Variants in HDAC9 observed in about 807,000 individuals in gnomAD.
HDAC9 encodes the protein histone deacetylase 9, also known as MEF-2 interacting transcription repressor (MITR) protein.
HDAC9 carries 41 observed loss-of-function variants against 139.4 expected under a neutral mutation model. The observed-to-expected ratio is 0.29, with a 90% CI of 0.23 to 0.38. HDAC9 has a LOEUF of 0.38. Ranked by LOEUF, HDAC9 falls within the 10% of genes least tolerant of loss-of-function variation. The pLI, the probability that HDAC9 is intolerant of heterozygous loss-of-function variation, is 1.00. For missense variants in HDAC9, 1,147 were observed against 1,297.0 expected, an observed-to-expected ratio of 0.88 and a Z score of 1.78; for synonymous variants, 517 against 476.2, an observed-to-expected ratio of 1.09 and a Z score of -1.12.
chr7:18,555,040 T>C (rs763553539), intron 2 of HDAC9, among the ~76,000 whole-genome samples: 17 of 152,228 alleles, frequency 1.1e-4, no homozygotes, highest in Non-Finnish European at 2.4e-4. Flanking sequence ...TGTGTAGTTG[T>C]ATAGTTGATG....
intron 22 of HDAC9, among the ~76,000 whole-genome samples, chr7:18,927,350 A>C (rs1015660924): frequency 2.0e-5 from 3 of 152,118 alleles, no homozygotes; most frequent in Non-Finnish European, 4.4e-5. Context: ...TTCTGCTTTG[A>C]AGTCCTGCTG....
intron 1 of HDAC9, among the ~76,000 whole-genome samples, chr7:18,305,880 C>T (rs1455572803): frequency 6.6e-6 from 1 of 151,956 alleles, no homozygotes; most frequent in Non-Finnish European, 1.5e-5. Flanking sequence ...AAGTACTTCC[C>T]AGGTTTTGAG....
At chr7:18,911,916 A>G (rs547506120) in intron 22 of HDAC9, among the ~76,000 whole-genome samples, 1 of 152,150 alleles carries the variant, frequency 6.6e-6, no homozygotes, top group Admixed American at 6.6e-5. Context: ...GTAGCCTACT[A>G]TATGATCTAT....
intron 1 of HDAC9, among the ~76,000 whole-genome samples, chr7:18,376,584 C>T (rs546401476): frequency 5.9e-5 from 9 of 152,266 alleles, no homozygotes; most frequent in African/African-American, 1.7e-4. Flanking sequence ...ATAATTCTTA[C>T]ACCATATTGA....
intron 1 of HDAC9, among the ~76,000 whole-genome samples, chr7:18,402,626 A>G (rs933224782): frequency 2.0e-5 from 3 of 152,188 alleles, no homozygotes; most frequent in African/African-American, 7.2e-5. Flanking sequence ...GTTTCAGGCA[A>G]GTGAGAGGCA....
chr7:18,406,372 T>TTTTTTC (rs759792635), intron 1 of HDAC9, among the ~76,000 whole-genome samples: 1 of 151,924 alleles, frequency 6.6e-6, no homozygotes, highest in Non-Finnish European at 1.5e-5. Context: ...ATATTTCCCT[T>TTTTTTC]TTTTTCTTTT....
At chr7:18,761,982 C>T (rs529201824) in intron 14 of HDAC9, among the ~76,000 whole-genome samples, 175 bp from the exon 15 acceptor site, 29 of 152,244 alleles carry the variant, frequency 1.9e-4, no homozygotes, top group African/African-American at 4.8e-4. Flanking sequence ...GGATCTGAAC[C>T]TTCCATACAC....
intron 1 of HDAC9, among the ~76,000 whole-genome samples, chr7:18,136,509 G>T (rs1416202860): frequency 6.6e-6 from 1 of 152,176 alleles, no homozygotes; most frequent in Non-Finnish European, 1.5e-5. Context: ...TCCAGTTTCA[G>T]CTTTCTACAT....
At chr7:18,548,077 C>A (rs970068754) in intron 2 of HDAC9, among the ~76,000 whole-genome samples, 3 of 152,060 alleles carry the variant, frequency 2.0e-5, no homozygotes, top group Non-Finnish European at 4.4e-5. Flanking sequence ...TTCACTTGAA[C>A]ACTTAGAGGC....
chr7:18,463,553 C>T (rs113187915), intron 1 of HDAC9, among the ~76,000 whole-genome samples: 2 of 151,438 alleles, frequency 1.3e-5, no homozygotes, highest in African/African-American at 2.4e-5. Flanking sequence ...TTTAATATTC[C>T]TGCATTATTT....
At chr7:18,530,967 A>G (rs905419292) in intron 2 of HDAC9, among the ~76,000 whole-genome samples, 1 of 151,916 alleles carries the variant, frequency 6.6e-6, no homozygotes, top group Non-Finnish European at 1.5e-5. Context: ...TCAGTACTCC[A>G]GCCCTGCCTC....
At chr7:18,273,242 CTT>C (rs999689532) in intron 2 of HDAC9, among the ~76,000 whole-genome samples, 61 of 151,542 alleles carry the variant, frequency 4.0e-4, no homozygotes, top group African/African-American at 1.3e-3. Flanking sequence ...AATTGTTAAA[CTT>C]TTTTTGTAGA....
At chr7:18,854,509 T>A (rs188382396) in intron 21 of HDAC9, among the ~76,000 whole-genome samples, 1 of 152,234 alleles carries the variant, frequency 6.6e-6, no homozygotes, top group East Asian at 1.9e-4. Flanking sequence ...AAAATAAGTT[T>A]ATGGTAATTC....
intron 23 of HDAC9, chr7:18,948,801 A>G (rs1424784871): frequency 1.1e-5 from 2 of 185,410 alleles, no homozygotes; most frequent in Non-Finnish European, 1.1e-5. Flanking sequence ...TATGGTATGT[A>G]AATTTCTCAC....
rs552222680 is a variant in HDAC9 at position 18,344,659 on chromosome 7, T to C, written c.-42+54144T>C. On this transcript the variant is annotated intron_variant, in intron 1 of 3. Coordinates refer to the HDAC9 transcript ENST00000413509. ...AGAATCCACATATTTTCAGCCTTTG[T>C]TTTGGCAGAAAAAAATAGGAGTTAA... 3.3e-5 allele frequency among the ~76,000 whole-genome samples: 5 copies of C among 152,094 alleles called. No individual in the cohort carries two copies. The East Asian group carries it at 9.7e-4, about 29-fold the overall frequency.
chr7:18,780,009 G>C (rs1307994299), intron 16 of HDAC9, among the ~76,000 whole-genome samples: 1 of 152,042 alleles, frequency 6.6e-6, no homozygotes, highest in Non-Finnish European at 1.5e-5. Context: ...TCTTTACGTT[G>C]TCACTGCTCC....
intron 22 of HDAC9, among the ~76,000 whole-genome samples, chr7:18,905,157 C>T (rs2129284500): frequency 6.6e-6 from 1 of 152,304 alleles, no homozygotes; most frequent in East Asian, 1.9e-4. Flanking sequence ...TCCCAAAGTG[C>T]TGGGATTACA....
At chr7:18,777,378 G>C (rs1790864304) in intron 16 of HDAC9, among the ~76,000 whole-genome samples, 1 of 151,844 alleles carries the variant, frequency 6.6e-6, no homozygotes, top group Admixed American at 6.6e-5. Context: ...GTGTCTTCTT[G>C]AATGACATTG....
At chr7:18,377,445 TATTAACC>T (rs1200401411) in intron 1 of HDAC9, among the ~76,000 whole-genome samples, 4 of 152,240 alleles carry the variant, frequency 2.6e-5, no homozygotes, top group Non-Finnish European at 5.9e-5. Context: ...CAGTAGTATT[TATTAACC>T]ATATTAACTA....
Sources: gnomAD v4.1 joint callset for allele counts (sites outside exome capture counted in the v4.1 genomes callset) on GRCh38, gnomAD v4.1.1 for gene constraint, MANE v1.5 for transcripts, NCBI Gene and HGNC (gene_info 2026-07-23, HGNC 2026-07-21) for gene names.